The following HAUS8 variants were observed in gnomAD, a reference collection of about 807,000 sequenced individuals.
HAUS8 encodes the protein HAUS augmin-like complex subunit 8.
A neutral mutation model predicts 42.9 loss-of-function variants in HAUS8; 38 were observed. The ratio of observed to expected loss-of-function variants is 0.89; its 90% CI spans 0.68 to 1.16. HAUS8 has a LOEUF of 1.16. Ranked by LOEUF, HAUS8 falls within the 50% of genes most tolerant of loss-of-function variation. The pLI, the probability that HAUS8 is intolerant of heterozygous loss-of-function variation, is 0.00. For synonymous variants in HAUS8, 199 were observed against 205.8 expected (o/e 0.97, Z 0.28); for missense variants, 494 against 511.6 (o/e 0.97, Z 0.33).
At position 17,073,288 on chromosome 19, in the gene HAUS8, T is replaced by A; in HGVS notation, c.77A>T (p.Asp26Val). Residue 26 changes from aspartate to valine, a missense_variant, in exon 2 of 11, where the codon GAT (aspartate) becomes GTT (valine). Physicochemically the swap from Asp to Val is radical, Grantham distance 152. Transcript: ENST00000253669. ...ACACTGCTTACCTTGAACTCTTTTA[T>A]CCTTCTTCTTGGCACTGCTAGAATT... ...PTNSSSAKKKDKRVQGGRVIE... is the reference protein window; with the variant it reads ...PTNSSSAKKKVKRVQGGRVIE... 1 of 1,613,934 alleles carries A rather than the reference T, an allele frequency of 6.2e-7. No homozygotes were observed. Among genetic ancestry groups the A allele is most frequent in the East Asian group, 2.2e-5 (1 of 44,876 alleles).
Position 17,049,984 on chromosome 19 carries a change from G to C in HAUS8, c.1122C>G (p.Ala374=). 6.2e-7 allele frequency: 1 copy of C among 1,601,600 alleles called. No homozygotes were observed. Among genetic ancestry groups the C allele is most frequent in the Non-Finnish European group, 8.5e-7 (1 of 1,174,538 alleles). Reference sequence around the variant, plus strand: ...ACGTGGCCTGAGCGGGGGCTGACGAGGCACCCGGGTTGTCGTCCTCAGACA... The same window carrying C: ...ACGTGGCCTGAGCGGGGGCTGACGACGCACCCGGGTTGTCGTCCTCAGACA... The part of the protein sequence containing the change: ...TPLSEDDNPG[A]SSAPAQATFI... Residue 374 remains alanine (A), a synonymous_variant, in exon 11 of 11, where the codon GCC becomes GCG. Coordinates refer to ENST00000253669, the MANE Select transcript of HAUS8 (RefSeq NM_033417.2).
intron 2 of HAUS8, among the ~76,000 whole-genome samples, chr19:17,070,400 G>A (rs1195286103): frequency 2.0e-5 from 3 of 152,166 alleles, no homozygotes; most frequent in Non-Finnish European, 2.9e-5. Context: ...CTGGGTCCAT[G>A]GGCTCAGGAA....
intron 2 of HAUS8, among the ~76,000 whole-genome samples, chr19:17,072,632 G>A (rs1397708988): frequency 6.6e-6 from 1 of 151,914 alleles, no homozygotes; most frequent in East Asian, 1.9e-4. Flanking sequence ...GAGCCACCGT[G>A]TCCAGCCACA....
rs762285039 is a variant in HAUS8 at position 17,050,007 on chromosome 19, A to T, written c.1099T>A (p.Ser367Thr). ...SGGAPKNTPL[S>T]EDDNPGASSA... ...GAGGCACCCGGGTTGTCGTCCTCAG[A>T]CAGGGGCGTGTTCTTGGGTGCTCCC... is the stretch of plus-strand genomic sequence containing the variant. The change falls in exon 11 of 11, where the codon TCT (serine) becomes ACT (threonine). Residue 367 changes from serine (S) to threonine (T), a missense_variant. Ser to Thr is a moderately conservative substitution (Grantham distance 58). Transcript: ENST00000253669. 6 of 1,607,376 alleles carry T rather than the reference A, an allele frequency of 3.7e-6. No homozygotes were observed. The East Asian group carries it at 1.4e-4, about 37-fold the overall frequency.
intron 2 of HAUS8, among the ~76,000 whole-genome samples, chr19:17,070,241 C>T (rs1331771216): frequency 2.6e-5 from 4 of 152,032 alleles, no homozygotes; most frequent in Admixed American, 1.3e-4. Flanking sequence ...TTGGACAAGA[C>T]CACCGTGACC....
intron 3 of HAUS8, among the ~76,000 whole-genome samples, chr19:17,068,096 A>ATT (rs2057398141): frequency 9.5e-6 from 1 of 104,874 alleles, no homozygotes; most frequent in African/African-American, 3.6e-5. Context: ...TTTTTATTTT[A>ATT]TTCTTTTTTT....
chr19:17,072,429 A>G (rs978727811), intron 2 of HAUS8, among the ~76,000 whole-genome samples: 5 of 128,596 alleles, frequency 3.9e-5, no homozygotes, highest in Non-Finnish European at 6.2e-5. Flanking sequence ...AGCAACCTCC[A>G]CTTCCCAGGT....
intron 3 of HAUS8, among the ~76,000 whole-genome samples, chr19:17,065,550 C>T (rs1195967628): frequency 6.6e-6 from 1 of 152,154 alleles, no homozygotes; most frequent in African/African-American, 2.4e-5. Context: ...CCCAAAGGAG[C>T]TGGGCGTGGT....
intron 3 of HAUS8, among the ~76,000 whole-genome samples, chr19:17,064,058 C>T (rs551057887): frequency 7.9e-5 from 12 of 152,260 alleles, no homozygotes; most frequent in South Asian, 4.1e-4. Flanking sequence ...GCAGGACACA[C>T]GATCAATATG....
In HAUS8 at chr19:17,059,556, C is replaced by T. The variant is rs368177786; in HGVS notation, c.420+1G>A. 6.2e-7 allele frequency: 1 copy of T among 1,608,736 alleles called. No individual in the cohort carries two copies. The highest frequency in any genetic ancestry group is 8.5e-7 in the Non-Finnish European group (1 of 1,175,426). On this transcript the variant is annotated splice_donor_variant, in intron 6 of 10. Transcript: ENST00000253669. LOFTEE classifies it high-confidence loss of function. ...GCTGCCCTCTTCTTTCAGACACTTA[C>T]CGGGCTCTTTTTCCGAGGGGCAGAA... is the stretch of plus-strand genomic sequence containing the variant.
chr19:17,050,451 A>C (rs1229562431), intron 10 of HAUS8, among the ~76,000 whole-genome samples: 2 of 151,782 alleles, frequency 1.3e-5, no homozygotes, highest in African/African-American at 4.8e-5. Flanking sequence ...CCCCTCCAAA[A>C]CTCCCATTAA....
intron 2 of HAUS8, among the ~76,000 whole-genome samples, chr19:17,070,082 C>T (rs935295624): frequency 6.6e-6 from 1 of 152,090 alleles, no homozygotes; most frequent in East Asian, 1.9e-4. Flanking sequence ...CCTACCTGCA[C>T]TCTCTGCCTC....
chr19:17,070,445 G>A (rs1023357126), intron 2 of HAUS8, among the ~76,000 whole-genome samples: 2 of 152,170 alleles, frequency 1.3e-5, no homozygotes, highest in Non-Finnish European at 2.9e-5. Context: ...TGGACCCTGT[G>A]CCACCAACAA....
chr19:17,058,524 T>G, intron 8 of HAUS8, 25 bp downstream of exon 8: 1 of 1,563,844 alleles, frequency 6.4e-7, no homozygotes, highest in Non-Finnish European at 8.6e-7. Context: ...CACTCACTGG[T>G]CACAGAGTGT....
rs576187545 is a variant in HAUS8 at position 17,059,603 on chromosome 19, T to G, written c.374A>C (p.Lys125Thr). ...KTPQLAKTIS[K>T]KPESTSFSAP... ...AGAAAATGATGTTGACTCAGGTTTC[T>G]TTGATATTGTTTTTGCTAACTGTGG... The change falls in exon 6 of 11, where the codon AAG (lysine) becomes ACG (threonine). Residue 125 changes from lysine (K) to threonine (T), a missense_variant. Lys to Thr is a moderately conservative substitution (Grantham distance 78). Coordinates refer to ENST00000253669, the MANE Select transcript of HAUS8 (RefSeq NM_033417.2). 1 of 1,614,044 alleles carries G rather than the reference T, an allele frequency of 6.2e-7. No homozygotes were observed. The highest frequency in any genetic ancestry group is 1.1e-5 in the South Asian group (1 of 91,036).
intron 1 of HAUS8, chr19:17,074,058 T>C (rs1233676370): frequency 6.6e-6 from 1 of 151,876 alleles, no homozygotes; most frequent in Non-Finnish European, 1.5e-5. Context: ...CCTGATGTAA[T>C]AGGAAAGAAG....
chr19:17,067,104 C>G (rs2057391240), intron 3 of HAUS8, among the ~76,000 whole-genome samples: 1 of 150,932 alleles, frequency 6.6e-6, no homozygotes, highest in Non-Finnish European at 1.5e-5. Context: ...ACTCGGGAGG[C>G]TGAGGAAGGA....
At position 17,049,746 on chromosome 19, in the gene HAUS8, A is replaced by G. The variant is rs1052141877; in HGVS notation, c.*127T>C. On this transcript the variant is annotated 3_prime_UTR_variant, in exon 11 of 11. Coordinates refer to ENST00000253669, the MANE Select transcript of HAUS8 (RefSeq NM_033417.2). ...CACAGGTCTTCCAACTGGCCCCTTC[A>G]TAGAAAATGGAGGCTTCAATTGCAA... is the stretch of plus-strand genomic sequence containing the variant. The G allele has an allele frequency of 1.3e-6, 1 of 763,518 alleles. No homozygotes were observed. Among genetic ancestry groups the G allele is most frequent in the African/African-American group, 1.8e-5 (1 of 55,922 alleles). The allele number at this position is 763,518 out of a possible 1,614,324, so 47.3% of individuals were successfully genotyped here.
At chr19:17,055,507 C>T (rs541964661) in intron 9 of HAUS8, among the ~76,000 whole-genome samples, 18 of 152,050 alleles carry the variant, frequency 1.2e-4, no homozygotes, top group African/African-American at 3.4e-4. Flanking sequence ...CTGAAAGGGA[C>T]CTCACTGCTC....
Sources: allele counts gnomAD v4.1 joint callset (sites outside exome capture counted in the v4.1 genomes callset), GRCh38; gene constraint gnomAD v4.1.1; transcripts MANE v1.5; gene names NCBI Gene and HGNC (gene_info 2026-07-23, HGNC 2026-07-21).